TMEM131: variants seen among roughly 807,000 people sequenced by gnomAD.
TMEM131 encodes 2610524E03Rik.
In TMEM131, 66 loss-of-function variants were observed where a neutral mutation model predicts 211.6. That is an observed-to-expected ratio of 0.31 (90% CI 0.26 to 0.38). The LOEUF (loss-of-function observed/expected upper bound fraction) is 0.38. Ranked by LOEUF, TMEM131 falls within the 10% of genes least tolerant of loss-of-function variation. The pLI, the probability that TMEM131 is intolerant of heterozygous loss-of-function variation, is 1.00. For synonymous variants in TMEM131, 844 were observed against 841.3 expected, an observed-to-expected ratio of 1.00 and a Z score of -0.06; for missense variants, 2,036 against 2,299.3, an observed-to-expected ratio of 0.89 and a Z score of 2.34.
Position 97,888,156 on chromosome 2 carries a change from C to A in TMEM131, c.291-36G>T, listed in dbSNP as rs751232411. Reference sequence around the variant, plus strand: ...AAAGAAAACAACATAAGAAGCAATTCTTCAAAATATATGTTTCCCCAAACT... The same window carrying A: ...AAAGAAAACAACATAAGAAGCAATTATTCAAAATATATGTTTCCCCAAACT... On this transcript the variant is annotated intron_variant, in intron 3 of 40. Transcript: ENST00000186436. 15 of 1,557,518 alleles carry A rather than the reference C, an allele frequency of 9.6e-6. No individual in the cohort carries two copies. In the East Asian group the frequency reaches 2.9e-4, roughly 30 times the overall value.
chr2:97,890,749 G>A (rs1675343846), intron 3 of TMEM131, among the ~76,000 whole-genome samples: 1 of 152,150 alleles, frequency 6.6e-6, no homozygotes, highest in Admixed American at 6.5e-5. Flanking sequence ...GATGATCACT[G>A]TAGACAAATC....
chr2:97,958,546 T>C (rs570301315), intron 1 of TMEM131, among the ~76,000 whole-genome samples: 1 of 152,346 alleles, frequency 6.6e-6, no homozygotes, highest in East Asian at 1.9e-4. Flanking sequence ...TGGGCCTACA[T>C]TCAGACATAC....
At position 97,760,822 on chromosome 2, in the gene TMEM131, G is replaced by T; in HGVS notation, c.4982C>A (p.Ala1661Glu). Reference protein sequence around the residue: ...PGKNGNPTFAAVTAGYDKSPG... With the variant: ...PGKNGNPTFAEVTAGYDKSPG... ...GCTCTTGTCGTAGCCAGCCGTGACT[G>T]CAGCAAAAGTGGGGTTGCCGTTCTT... Residue 1661 changes from alanine to glutamate, a missense_variant, in exon 37 of 41, where the codon GCA (alanine) becomes GAA (glutamate). Ala to Glu is a moderately radical substitution (Grantham distance 107). Transcript: ENST00000186436. 6.2e-7 allele frequency: 1 copy of T among 1,614,072 alleles called. No individual in the cohort carries two copies. Among genetic ancestry groups the T allele is most frequent in the Non-Finnish European group, 8.5e-7 (1 of 1,179,904 alleles).
rs143958042 is a variant in TMEM131 at position 97,855,622 on chromosome 2, A to G, written c.483+3682T>C. On this transcript the variant is annotated intron_variant, in intron 5 of 40. Coordinates refer to ENST00000186436, the MANE Select transcript of TMEM131 (RefSeq NM_015348.2). ...AAGCTGAGGCACAAGAATTGCTTGA[A>G]CCAGGAGGCAGAGGTTGCAGTGAGC... Among the ~76,000 whole-genome samples the G allele has an allele frequency of 3.7e-3, 569 of 151,952 alleles. 3 individuals are homozygous for G. The highest frequency in any genetic ancestry group is 0.013 in the African/African-American group (543 of 41,412).
At chr2:97,951,795 C>T (rs1054840940) in intron 1 of TMEM131, among the ~76,000 whole-genome samples, 3 of 152,144 alleles carry the variant, frequency 2.0e-5, no homozygotes, top group African/African-American at 7.2e-5. Flanking sequence ...AGCCAGTCCA[C>T]CCGCTTTCCA....
chr2:97,975,099 A>G (rs903326558), intron 1 of TMEM131, among the ~76,000 whole-genome samples: 1 of 152,182 alleles, frequency 6.6e-6, no homozygotes, highest in Non-Finnish European at 1.5e-5. Context: ...CATACCAAGT[A>G]TGGTCTCTGG....
Position 97,908,795 on chromosome 2 carries a change from T to C in TMEM131, c.250-97A>G, listed in dbSNP as rs927688290. ...AAAATATTCTATTTTAGTTTCAACA[T>C]TCATTTTATACCCATTTGGATTTTA... On this transcript the variant is annotated intron_variant, in intron 2 of 40. Coordinates refer to ENST00000186436, the MANE Select transcript of TMEM131 (RefSeq NM_015348.2). 24 of 1,021,626 alleles carry C rather than the reference T, an allele frequency of 2.3e-5. No homozygotes were observed. The Admixed American group carries it at 3.6e-4, about 15-fold the overall frequency. The allele number at this position is 1,021,626 out of a possible 1,614,324, so 63.3% of individuals were successfully genotyped here.
In TMEM131 at chr2:97,927,509, C is replaced by T. The variant is rs749099734; in HGVS notation, c.188-22G>A. On this transcript the variant is annotated intron_variant, in intron 1 of 40. Coordinates refer to ENST00000186436, the MANE Select transcript of TMEM131 (RefSeq NM_015348.2). ...AATGCTGTGAAGAAAACAAAACATA[C>T]CATCACTTACAGGAACATAAATTTG... The T allele has an allele frequency of 8.5e-6, 13 of 1,535,650 alleles. 1 individual carries two copies. The South Asian group carries it at 1.1e-4, about 13-fold the overall frequency.
chr2:97,772,448 G>A, intron 32 of TMEM131, 24 bp from the exon 33 acceptor site: 1 of 1,600,242 alleles, frequency 6.2e-7, no homozygotes, highest in Admixed American at 1.8e-5. Flanking sequence ...ACACTTAATT[G>A]CTGAGAAGGA....
At chr2:97,881,731 G>A (rs1396287351) in intron 4 of TMEM131, among the ~76,000 whole-genome samples, 1 of 132,154 alleles carries the variant, frequency 7.6e-6, no homozygotes, top group African/African-American at 2.8e-5. Context: ...AAAGGGGGGG[G>A]GGCGGGGGAG....
chr2:97,775,771 A>T, intron 32 of TMEM131, 72 bp downstream of exon 32: 1 of 1,487,036 alleles, frequency 6.7e-7, no homozygotes, highest in Non-Finnish European at 9.1e-7. Context: ...AATCTATGAG[A>T]TGGAAGGTCT....
At chr2:97,944,708 C>G (rs979347876) in intron 1 of TMEM131, among the ~76,000 whole-genome samples, 2 of 152,076 alleles carry the variant, frequency 1.3e-5, no homozygotes. Context: ...CATACATACA[C>G]GAAAAGACGC....
chr2:97,850,490 T>G (rs752990647), intron 5 of TMEM131, among the ~76,000 whole-genome samples: 57 of 152,228 alleles, frequency 3.7e-4, no homozygotes, highest in Non-Finnish European at 6.9e-4. Flanking sequence ...ACCAGTGCCA[T>G]CCTCTCTGGA....
At chr2:97,769,377 T>C (rs539451399) in intron 33 of TMEM131, among the ~76,000 whole-genome samples, 2 of 152,292 alleles carry the variant, frequency 1.3e-5, no homozygotes, top group South Asian at 4.1e-4. Context: ...TTATTTTTGC[T>C]TTTCACAACG....
chr2:97,793,692 A>G (rs1355649335), intron 29 of TMEM131, 139 bp from the exon 30 acceptor site: 1 of 880,602 alleles, frequency 1.1e-6, no homozygotes, highest in East Asian at 2.8e-5. Context: ...ACAACTTTTA[A>G]CAGACAAAAC....
intron 31 of TMEM131, among the ~76,000 whole-genome samples, chr2:97,779,169 C>CA (rs1408702716): frequency 6.6e-6 from 1 of 152,200 alleles, no homozygotes. Flanking sequence ...AGCCACTGGT[C>CA]CATGGTATCA....
Position 97,832,836 on chromosome 2 carries a change from G to C in TMEM131, c.1074+529C>G, listed in dbSNP as rs142861324. On this transcript the variant is annotated intron_variant, in intron 11 of 40. Transcript: ENST00000186436. Reference sequence around the variant, plus strand: ...GGCCTAAAAGTTACTTACTCTGTATGTATGTGTGAGGGAGAGAGGGCCTTA... The same window carrying C: ...GGCCTAAAAGTTACTTACTCTGTATCTATGTGTGAGGGAGAGAGGGCCTTA... Among the ~76,000 whole-genome samples, 422 of 152,250 alleles carry C rather than the reference G, an allele frequency of 2.8e-3. No homozygotes were observed. The Middle Eastern group carries it at 0.041, about 15-fold the overall frequency.
At position 97,961,235 on chromosome 2, in the gene TMEM131, AAAAAT is replaced by A. The variant is rs1039345923; in HGVS notation, c.188-33753_188-33749del. ...TCTATATACAAGCACTGAACAATTG[AAAAAT>A]AAAATAAAATATAATTTCATTGTAT... On this transcript the variant is annotated intron_variant, in intron 1 of 40. Coordinates refer to ENST00000186436, the MANE Select transcript of TMEM131 (RefSeq NM_015348.2). Among the ~76,000 whole-genome samples the A allele has an allele frequency of 6.6e-5, 10 of 152,224 alleles. No individual in the cohort carries two copies. In the East Asian group the frequency reaches 1.2e-3, roughly 18 times the overall value.
intron 4 of TMEM131, among the ~76,000 whole-genome samples, chr2:97,874,894 C>T (rs1180399493): frequency 6.6e-6 from 1 of 152,070 alleles, no homozygotes; most frequent in Admixed American, 6.5e-5. Flanking sequence ...TGTAAATGGG[C>T]TAAATGCCCC....
Sources: gnomAD v4.1 joint callset for allele counts (sites outside exome capture counted in the v4.1 genomes callset) on GRCh38, gnomAD v4.1.1 for gene constraint, MANE v1.5 for transcripts, NCBI Gene and HGNC (gene_info 2026-07-23, HGNC 2026-07-21) for gene names.